The following GPR107 variants were observed in gnomAD, a reference collection of about 807,000 sequenced individuals.
The protein encoded by GPR107 is protein GPR107.
A neutral mutation model predicts 75.5 loss-of-function variants in GPR107; 31 were observed. That is an observed-to-expected ratio of 0.41 (90% CI 0.31 to 0.55). The LOEUF (loss-of-function observed/expected upper bound fraction) is 0.55, where lower values mean the gene tolerates loss of function less well. GPR107 is among the 20% of genes least tolerant of loss of function. The pLI, the probability that GPR107 is intolerant of heterozygous loss-of-function variation, is 0.26. For missense variants in GPR107, 572 were observed against 665.7 expected, an observed-to-expected ratio of 0.86 and a Z score of 1.55; for synonymous variants, 267 against 251.3, an observed-to-expected ratio of 1.06 and a Z score of -0.59.
intron 10 of GPR107, 62 bp downstream of exon 10, chr9:130,099,594 A>G (rs1310038881): frequency 2.2e-6 from 2 of 925,152 alleles, no homozygotes; most frequent in Admixed American, 2.0e-5. Flanking sequence ...GTGAGCAGGC[A>G]AAAGAAATTT....
chr9:130,132,603 A>G (rs1384976393), intron 17 of GPR107, among the ~76,000 whole-genome samples: 1 of 152,136 alleles, frequency 6.6e-6, no homozygotes, highest in African/African-American at 2.4e-5. Flanking sequence ...TCTCGCCAAC[A>G]TGGTGAAACC....
At chr9:130,065,977 C>A (rs1247142753) in intron 1 of GPR107, among the ~76,000 whole-genome samples, 4 of 151,514 alleles carry the variant, frequency 2.6e-5, no homozygotes, top group Non-Finnish European at 5.9e-5. Context: ...TTATTCACTC[C>A]CCCCCAAAAG....
intron 14 of GPR107, among the ~76,000 whole-genome samples, chr9:130,118,249 A>C (rs540850717): frequency 1.4e-4 from 21 of 152,284 alleles, no homozygotes; most frequent in Admixed American, 2.6e-4. Context: ...GACTCAGTTG[A>C]TGGCAACGAC....
At chr9:130,077,445 T>C (rs1272084996) in intron 4 of GPR107, 67 bp downstream of exon 4, 13 of 830,316 alleles carry the variant, frequency 1.6e-5, no homozygotes, top group Admixed American at 1.0e-4. Context: ...AGTAGTATGC[T>C]AACATTCCTT....
chr9:130,110,838 C>T (rs1240333751), intron 14 of GPR107, among the ~76,000 whole-genome samples: 1 of 152,130 alleles, frequency 6.6e-6, no homozygotes, highest in African/African-American at 2.4e-5. Flanking sequence ...CTCTGTGCCC[C>T]CTCAGTTCAC....
At chr9:130,083,481 G>A in intron 5 of GPR107, 84 bp from the exon 6 acceptor site, 1 of 734,100 alleles carries the variant, frequency 1.4e-6, no homozygotes, top group Non-Finnish European at 2.1e-6. Context: ...ACAAGCTGAA[G>A]CCTCATAAAA....
At chr9:130,059,454 C>T (rs112302490) in intron 1 of GPR107, among the ~76,000 whole-genome samples, 3,438 of 152,118 alleles carry the variant, frequency 0.023, 133 homozygotes, top group African/African-American at 0.077. Flanking sequence ...TGCCACTGCA[C>T]TCAAGCCTGT....
chr9:130,065,178 C>T (rs956675460), intron 1 of GPR107, among the ~76,000 whole-genome samples: 1 of 152,148 alleles, frequency 6.6e-6, no homozygotes, highest in Non-Finnish European at 1.5e-5. Context: ...CAGCCGGGCA[C>T]GGTGGCTCAT....
chr9:130,062,600 G>A (rs996900106), intron 1 of GPR107, among the ~76,000 whole-genome samples: 2 of 119,212 alleles, frequency 1.7e-5, no homozygotes, highest in African/African-American at 3.6e-5. Context: ...TGGCTCTTTC[G>A]CCTGCCTGCC....
chr9:130,080,471 G>GTTTATTTA (rs59817565), intron 5 of GPR107, among the ~76,000 whole-genome samples: 101,162 of 146,486 alleles, frequency 0.69, 35,145 homozygotes, highest in South Asian at 0.77. Flanking sequence ...AGGTATTCCT[G>GTTTATTTA]TTTATTTATT....
At chr9:130,114,029 C>CTTTTTTTTTTTTTTT (rs60616601) in intron 14 of GPR107, among the ~76,000 whole-genome samples, 14 of 90,652 alleles carry the variant, frequency 1.5e-4, no homozygotes, top group African/African-American at 3.1e-4. Flanking sequence ...TCTTCTCATT[C>CTTTTTTTTTTTTTTT]TTTTTTTTTT....
chr9:130,117,525 G>T (rs775754262), intron 14 of GPR107, among the ~76,000 whole-genome samples: 1 of 152,202 alleles, frequency 6.6e-6, no homozygotes, highest in Non-Finnish European at 1.5e-5. Context: ...GAAGCTGTTC[G>T]CCAGACTTTC....
At chr9:130,102,977 G>A (rs542487550) in intron 12 of GPR107, among the ~76,000 whole-genome samples, 1 of 151,902 alleles carries the variant, frequency 6.6e-6, no homozygotes, top group South Asian at 2.1e-4. Context: ...TTTAATTAGA[G>A]GCCGTGTCTC....
chr9:130,103,446 A>G lies in GPR107; in HGVS notation c.1132-974A>G, dbSNP rs562908377. On this transcript the variant is annotated intron_variant, in intron 12 of 17. Transcript: ENST00000347136. The surrounding 1 kb of genome is among the most constrained non-coding windows in gnomAD (Gnocchi z 4.3). ...CATCCATTCCCAGTGGTAATCTTCA[A>G]AAGGATGTATTATAAGTGGTAAATT... Among the ~76,000 whole-genome samples the G allele has an allele frequency of 1.3e-5, 2 of 152,296 alleles. No individual in the cohort carries two copies. The highest frequency in any genetic ancestry group is 4.1e-4 in the South Asian group (2 of 4,820).
chr9:130,107,435 GA>G, intron 13 of GPR107, 60 bp from the exon 14 acceptor site: 1 of 951,128 alleles, frequency 1.1e-6, no homozygotes, highest in Non-Finnish European at 1.7e-6. Flanking sequence ...ACTAGAGCTG[GA>G]AATAGAGAGG....
intron 14 of GPR107, among the ~76,000 whole-genome samples, chr9:130,123,337 G>A (rs574118987): frequency 6.6e-6 from 1 of 152,034 alleles, no homozygotes; most frequent in Non-Finnish European, 1.5e-5. Context: ...CCAAATAGCT[G>A]GGATTACAGG....
chr9:130,076,419 T>G lies in GPR107; in HGVS notation c.263T>G (p.Phe88Cys). Residue 88 changes from phenylalanine (F) to cysteine (C), a missense_variant, in exon 3 of 18, where the codon TTT becomes TGT. Transcript: ENST00000347136. ...EPEDKDVTIG[F>C]SLDRTKNDGF... The stretch of plus-strand genomic sequence containing the variant: ...GTTTTTACTCCCCATTAGATTGGAT[T>G]TAGCCTAGACCGTACAAAGAATGAT... The G allele has an allele frequency of 6.4e-7, 1 of 1,563,454 alleles. No individual in the cohort carries two copies. The highest frequency in any genetic ancestry group is 8.8e-7 in the Non-Finnish European group (1 of 1,133,660).
intron 9 of GPR107, among the ~76,000 whole-genome samples, chr9:130,094,004 G>A (rs1039264231): frequency 3.3e-5 from 5 of 152,018 alleles, no homozygotes; most frequent in African/African-American, 9.7e-5. Flanking sequence ...TAGTAGAGAC[G>A]GGCTTTCACC....
intron 4 of GPR107, among the ~76,000 whole-genome samples, chr9:130,078,987 C>A (rs1436124054): frequency 3.9e-5 from 6 of 152,204 alleles, no homozygotes; most frequent in Non-Finnish European, 7.3e-5. Context: ...GAGACGGGGT[C>A]TCGCTCTGTG....
Sources: gnomAD v4.1 joint callset for allele counts (sites outside exome capture counted in the v4.1 genomes callset) on GRCh38, gnomAD v4.1.1 for gene constraint, Gnocchi (gnomAD v3.1) non-coding constraint, MANE v1.5 for transcripts, NCBI Gene and HGNC (gene_info 2026-07-23, HGNC 2026-07-21) for gene names.